The following CIZ1 variants were observed in gnomAD, a reference collection of about 807,000 sequenced individuals.
CIZ1 encodes cip1-interacting zinc finger protein.
A neutral mutation model predicts 118.6 loss-of-function variants in CIZ1; 58 were observed. That is an observed-to-expected ratio of 0.49 (90% CI 0.40 to 0.61). CIZ1 has a LOEUF of 0.61. Among genes scored for constraint, CIZ1 ranks in the 20% least tolerant of loss-of-function variants. CIZ1 has a pLI of 0.00. For synonymous variants in CIZ1, 448 were observed against 443.4 expected (o/e 1.01, Z -0.13); for missense variants, 921 against 1,115.9 (o/e 0.83, Z 2.49).
At position 128,179,270 on chromosome 9, in the gene CIZ1, G is replaced by A; in HGVS notation, c.937C>T (p.Pro313Ser). ...LEAQVLPRFQ[P>S]RVLQVQAQVQ... The stretch of plus-strand genomic sequence containing the variant: ...TGGGCCTGGACCTGCAGGACCCGTG[G>A]CTGGAATCGTGGCAGCACTTGGGCT... Residue 313 changes from proline to serine, a missense_variant, in exon 8 of 17, where the codon CCA becomes TCA. Pro to Ser is a moderately conservative substitution (Grantham distance 74). Transcript: ENST00000372938. The A allele has an allele frequency of 6.2e-7, 1 of 1,614,204 alleles. No homozygotes were observed. The highest frequency in any genetic ancestry group is 8.5e-7 in the Non-Finnish European group (1 of 1,180,052).
upstream of CIZ1, among the ~76,000 whole-genome samples, chr9:128,193,402 G>A (rs1833292967): frequency 6.6e-6 from 1 of 152,070 alleles, no homozygotes; most frequent in Non-Finnish European, 1.5e-5. Context: ...GAGGAGAGAG[G>A]GGCGAGTCAA....
chr9:128,193,530 G>A (rs1833298057), upstream of CIZ1, among the ~76,000 whole-genome samples: 1 of 151,994 alleles, frequency 6.6e-6, no homozygotes, highest in Non-Finnish European at 1.5e-5. Context: ...GGCCAACATG[G>A]TAAAACTACG....
chr9:128,166,473 T>C lies in CIZ1; in HGVS notation c.2488-67A>G. The C allele has an allele frequency of 7.9e-7, 1 of 1,269,666 alleles. No homozygotes were observed. The highest frequency in any genetic ancestry group is 1.1e-6 in the Non-Finnish European group (1 of 922,704). The allele number at this position is 1,269,666 out of a possible 1,614,324, so 78.7% of individuals were successfully genotyped here. ...ACATGGTATGCTCCTGGCCAGCAGC[T>C]ACTTCCCCAGCTCTGGCTGAGACAG... On this transcript the variant is annotated intron_variant, in intron 16 of 16. Coordinates refer to ENST00000372938, the MANE Select transcript of CIZ1 (RefSeq NM_001131016.2). The surrounding 1 kb of genome is among the most constrained non-coding windows in gnomAD (Gnocchi z 4.4).
intron 4 of CIZ1, among the ~76,000 whole-genome samples, chr9:128,186,617 T>C (rs1832407165): frequency 6.6e-6 from 1 of 152,188 alleles, no homozygotes; most frequent in Admixed American, 6.6e-5. Context: ...AACACTTCCA[T>C]AGCTCCCTGC....
At position 128,179,623 on chromosome 9, in the gene CIZ1, G is replaced by A. The variant is rs560611922; in HGVS notation, c.792-208C>T. ...CCTGGGATTACAGGTGTGAGCCACC[G>A]CGCCCAGCCCAAGACTGTTTCTTTT... On this transcript the variant is annotated intron_variant, in intron 7 of 16. Coordinates refer to ENST00000372938, the MANE Select transcript of CIZ1 (RefSeq NM_001131016.2). Among the ~76,000 whole-genome samples the A allele has an allele frequency of 2.4e-4, 36 of 150,870 alleles. No homozygotes were observed. In the South Asian group the frequency reaches 5.5e-3, roughly 23 times the overall value.
chr9:128,182,137 T>TAAG (rs1831736996), intron 5 of CIZ1, among the ~76,000 whole-genome samples: 1 of 152,078 alleles, frequency 6.6e-6, no homozygotes, highest in Non-Finnish European at 1.5e-5. Flanking sequence ...TCATTGGAGG[T>TAAG]GACTCACATT....
intron 13 of CIZ1, 94 bp from the exon 14 acceptor site, chr9:128,169,295 C>T (rs1010793106): frequency 3.7e-6 from 4 of 1,092,740 alleles, no homozygotes; most frequent in Admixed American, 3.8e-5. Context: ...AGTCCCAATC[C>T]CTCCAGACCC....
At chr9:128,180,935 C>T (rs1446868928) in intron 5 of CIZ1, 121 bp from the exon 6 acceptor site, 1 of 723,172 alleles carries the variant, frequency 1.4e-6, no homozygotes, top group Non-Finnish European at 2.4e-6. Flanking sequence ...CTCTGGTGGG[C>T]CTGGCCCCAG....
At chr9:128,195,846 C>T (rs1400260638), upstream of CIZ1, among the ~76,000 whole-genome samples, 4 of 152,054 alleles carry the variant, frequency 2.6e-5, no homozygotes, top group South Asian at 2.1e-4. Context: ...CTTCCCCAGC[C>T]TCTGAAATCC....
chr9:128,177,510 G>A, intron 10 of CIZ1, 56 bp downstream of exon 10: 2 of 1,232,066 alleles, frequency 1.6e-6, no homozygotes, highest in South Asian at 1.9e-5. Flanking sequence ...GGGAGGGCAG[G>A]CTGGGCATTC....
intron 11 of CIZ1, among the ~76,000 whole-genome samples, chr9:128,173,734 T>C (rs377276318): frequency 1.4e-4 from 22 of 151,874 alleles, no homozygotes; most frequent in Admixed American, 4.6e-4. Flanking sequence ...GGGCCGGGCA[T>C]GGTGGCTTGC....
intron 5 of CIZ1, among the ~76,000 whole-genome samples, chr9:128,185,232 C>T (rs1165668724): frequency 6.6e-6 from 1 of 152,078 alleles, no homozygotes; most frequent in Non-Finnish European, 1.5e-5. Flanking sequence ...GAGCTGAGAT[C>T]GCGCCATTGT....
chr9:128,191,830 G>A (rs1238051661), upstream of CIZ1: 5 of 1,463,436 alleles, frequency 3.4e-6, no homozygotes, highest in African/African-American at 4.4e-5. The surrounding 1 kb of genome is among the most constrained non-coding windows in gnomAD (Gnocchi z 5.5). Context: ...CATCGAGGGG[G>A]ACTTCCTTCC....
At chr9:128,182,784 T>C (rs971267598) in intron 5 of CIZ1, among the ~76,000 whole-genome samples, 17 of 151,900 alleles carry the variant, frequency 1.1e-4, no homozygotes, top group Non-Finnish European at 2.9e-5. Flanking sequence ...GGCATTTCTG[T>C]ATTCTTTTTT....
At chr9:128,173,721 C>T (rs972603481) in intron 11 of CIZ1, among the ~76,000 whole-genome samples, 11 of 151,722 alleles carry the variant, frequency 7.3e-5, no homozygotes, top group Non-Finnish European at 1.6e-4. Context: ...AAACGGCCAA[C>T]GCGGGCCGGG....
Position 128,166,119 on chromosome 9 carries a change from T to A in CIZ1, c.*78A>T. On this transcript the variant is annotated 3_prime_UTR_variant, in exon 17 of 17. Transcript: ENST00000372938. The surrounding 1 kb of genome is among the most constrained non-coding windows in gnomAD (Gnocchi z 4.4). ...ATTTTGAGTAAAAACATGAACCATG[T>A]CAAAGTTTCCAGGCAGACTCCTAAA... 1 of 1,046,598 alleles carries A rather than the reference T, an allele frequency of 9.6e-7. No homozygotes were observed. Among genetic ancestry groups the A allele is most frequent in the Non-Finnish European group, 1.3e-6 (1 of 755,510 alleles). 64.8% of individuals were successfully genotyped at this position (1,046,598 alleles called of 1,614,324 possible).
rs1829778871 is a variant in CIZ1, at chr9:128,168,886, G to C, written c.2295+166C>G. On this transcript the variant is annotated intron_variant, in intron 14 of 16. Coordinates refer to ENST00000372938, the MANE Select transcript of CIZ1 (RefSeq NM_001131016.2). ...TTAACTGCCACTCTCTAGTCATCAT[G>C]CATAATTACATAGTCATGCAGAAGG... is the stretch of plus-strand genomic sequence containing the variant. 1.2e-5 allele frequency: 12 copies of C among 972,284 alleles called. No homozygotes were observed. The South Asian group carries it at 1.6e-4, about 13-fold the overall frequency. 60.2% of individuals were successfully genotyped at this position (972,284 alleles called of 1,614,324 possible).
intron 11 of CIZ1, among the ~76,000 whole-genome samples, chr9:128,172,525 G>A (rs762362696): frequency 5.9e-5 from 9 of 151,990 alleles, no homozygotes; most frequent in Admixed American, 3.3e-4. Context: ...CTCACTCAGC[G>A]AAAATAAGGA....
At position 128,177,548 on chromosome 9, in the gene CIZ1, T is replaced by TAAA; in HGVS notation, c.1818+17_1818+18insTTT. ...CGCAGGCCCCACCCCTCCCCACCCTTATCTCCTGTATCAGTACCTGCTGGC... is the reference window on the plus strand; with the variant it reads ...CGCAGGCCCCACCCCTCCCCACCCTTAAAATCTCCTGTATCAGTACCTGCTGGC... On this transcript the variant is annotated intron_variant, in intron 10 of 16. Transcript: ENST00000372938. The TAAA allele has an allele frequency of 2.8e-5, 13 of 460,846 alleles. No homozygotes were observed. The highest frequency in any genetic ancestry group is 5.1e-5 in the Non-Finnish European group (13 of 257,410). The allele number at this position is 460,846 out of a possible 1,614,324, so 28.5% of individuals were successfully genotyped here. A position where few individuals can be genotyped will look rare whatever the true frequency, so the allele number is the denominator to read the frequency against.
Sources: allele counts gnomAD v4.1 joint callset (sites outside exome capture counted in the v4.1 genomes callset), GRCh38; gene constraint gnomAD v4.1.1; non-coding constraint Gnocchi (gnomAD v3.1); transcripts MANE v1.5; gene names NCBI Gene and HGNC (gene_info 2026-07-23, HGNC 2026-07-21).